The following DAPK1 variants were observed in gnomAD, a reference collection of about 807,000 sequenced individuals.
DAPK1 encodes death associated protein kinase 1.
A neutral mutation model predicts 144.9 loss-of-function variants in DAPK1; 56 were observed. The observed-to-expected ratio is 0.39, with a 90% confidence interval of 0.31 to 0.48. DAPK1 has a LOEUF of 0.48. DAPK1 is among the 20% of genes least tolerant of loss of function. The probability of loss-of-function intolerance (pLI) is 0.95; values close to 1 mark genes in which losing one functional copy is unlikely to be tolerated. For missense variants in DAPK1, 1,454 were observed against 1,875.4 expected (o/e 0.78, Z 4.15); for synonymous variants, 690 against 749.0 (o/e 0.92, Z 1.29).
At chr9:87,589,055 A>ATTTTTTTTTTTTTTTTTTT (rs35875159) in intron 2 of DAPK1, among the ~76,000 whole-genome samples, 4 of 101,198 alleles carry the variant, frequency 4.0e-5, no homozygotes, top group African/African-American at 8.1e-5. Context: ...CGCCCGGCTA[A>ATTTTTTTTTTTTTTTTTTT]TTTTTTTTTT....
chr9:87,555,727 T>A (rs1826689546), intron 2 of DAPK1, among the ~76,000 whole-genome samples: 1 of 152,216 alleles, frequency 6.6e-6, no homozygotes, highest in South Asian at 2.1e-4. Flanking sequence ...GGTCTCGAAC[T>A]CCCGACCTCA....
chr9:87,632,802 A>G, intron 3 of DAPK1: 1 of 981,594 alleles, frequency 1.0e-6, no homozygotes, highest in African/African-American at 1.8e-5. Context: ...GTGTATATGT[A>G]GGGATGAAGG....
intron 18 of DAPK1, among the ~76,000 whole-genome samples, chr9:87,658,608 G>A (rs753326447): frequency 6.6e-6 from 1 of 152,160 alleles, no homozygotes; most frequent in Non-Finnish European, 1.5e-5. Flanking sequence ...CATTGCTTTA[G>A]GCCTGTGGAG....
At chr9:87,560,855 G>A (rs7029367) in intron 2 of DAPK1, among the ~76,000 whole-genome samples, 7,543 of 151,778 alleles carry the variant, frequency 0.05, 580 homozygotes, top group African/African-American at 0.17. Flanking sequence ...TAGTAGAGAC[G>A]GAGTTTCACC....
At chr9:87,703,527 C>G (rs1825531104) in intron 25 of DAPK1, among the ~76,000 whole-genome samples, 1 of 152,122 alleles carries the variant, frequency 6.6e-6, no homozygotes, top group African/African-American at 2.4e-5. Context: ...CCCTGGGCAC[C>G]AGGAACTTAA....
intron 2 of DAPK1, among the ~76,000 whole-genome samples, chr9:87,535,857 C>T (rs1825844553): frequency 6.6e-6 from 1 of 152,140 alleles, no homozygotes; most frequent in Admixed American, 6.5e-5. Flanking sequence ...CAGATGTAAA[C>T]CGGAAGGCCC....
chr9:87,645,758 G>A lies in DAPK1; in HGVS notation c.1012-137G>A, dbSNP rs2274608. ...TTCCTTCCTAGGTCCCTCCATGACT[G>A]TATGGATTTGGGGAGTAAATGGCTT... On this transcript the variant is annotated intron_variant, in intron 11 of 25. Transcript: ENST00000408954. The A allele has an allele frequency of 6.0e-3, 6,596 of 1,100,040 alleles. 151 individuals are homozygous for A. Among genetic ancestry groups the A allele is most frequent in the East Asian group, 0.057 (2,314 of 40,534 alleles). The allele number at this position is 1,100,040 out of a possible 1,614,324, so 68.1% of individuals were successfully genotyped here.
intron 19 of DAPK1, among the ~76,000 whole-genome samples, chr9:87,669,151 C>T (rs1010597744): frequency 1.3e-5 from 2 of 152,200 alleles, no homozygotes; most frequent in African/African-American, 2.4e-5. Flanking sequence ...TAGCCATACC[C>T]TTTAATCTAG....
At chr9:87,573,493 T>TC (rs1827438610) in intron 2 of DAPK1, among the ~76,000 whole-genome samples, 1 of 151,632 alleles carries the variant, frequency 6.6e-6, no homozygotes, top group African/African-American at 2.4e-5. Flanking sequence ...GAGGGGTGAG[T>TC]TTGTAAGAGT....
chr9:87,647,383 C>T lies in DAPK1; in HGVS notation c.1309C>T (p.Pro437Ser), dbSNP rs1192614662. Residue 437 changes from proline (P) to serine (S), a missense_variant, in exon 14 of 26, where the codon CCT (proline) becomes TCT (serine). Around this residue, in one of 2 missense-constraint regions of DAPK1, gnomAD observed 429 missense variants for 637.5 expected, o/e 0.67. Coordinates refer to ENST00000408954, the MANE Select transcript of DAPK1 (RefSeq NM_004938.4). ...TLKFLSENKC[P>S]LDVKDKSGEM... The stretch of plus-strand genomic sequence containing the variant: ...GAAATTTCTCAGTGAGAACAAATGC[C>T]CTTTGGATGTGAAAGACAAGGTAAG... 1.2e-6 allele frequency: 2 copies of T among 1,614,110 alleles called. No individual in the cohort carries two copies. Among genetic ancestry groups the T allele is most frequent in the South Asian group, 2.2e-5 (2 of 91,076 alleles).
At position 87,543,025 on chromosome 9, in the gene DAPK1, A is replaced by G. The variant is rs764568916; in HGVS notation, c.62+43886A>G. 9.2e-5 allele frequency among the ~76,000 whole-genome samples: 14 copies of G among 152,358 alleles called. No homozygotes were observed. The South Asian group carries it at 1.2e-3, about 14-fold the overall frequency. On this transcript the variant is annotated intron_variant, in intron 2 of 25. Transcript: ENST00000408954. ...AAAACAAATTTTTATTGCTTTTGCAATGAAGTTTGGGGACATTTTATAAGA... is the reference window on the plus strand; with the variant it reads ...AAAACAAATTTTTATTGCTTTTGCAGTGAAGTTTGGGGACATTTTATAAGA...
chr9:87,690,406 T>G (rs1407446209), intron 21 of DAPK1, among the ~76,000 whole-genome samples: 1 of 151,926 alleles, frequency 6.6e-6, no homozygotes, highest in Non-Finnish European at 1.5e-5. Context: ...GATCTAAGAG[T>G]TTTTTGGTGG....
chr9:87,517,697 G>A (rs1212336326), intron 2 of DAPK1, among the ~76,000 whole-genome samples: 2 of 152,118 alleles, frequency 1.3e-5, no homozygotes, highest in African/African-American at 2.4e-5. Context: ...TTCATCCTTG[G>A]CATAACCCTG....
chr9:87,498,844 C>G, intron 1 of DAPK1, 126 bp from the exon 2 acceptor site: 1 of 525,512 alleles, frequency 1.9e-6, no homozygotes, highest in South Asian at 3.0e-5. Context: ...CTCCTCTCCA[C>G]CCCGCGAGGA....
chr9:87,503,261 ATG>A (rs1190297945), intron 2 of DAPK1, among the ~76,000 whole-genome samples: 1 of 151,558 alleles, frequency 6.6e-6, no homozygotes, highest in Non-Finnish European at 1.5e-5. Context: ...GTGTGTGTAT[ATG>A]TATATATATA....
intron 2 of DAPK1, among the ~76,000 whole-genome samples, chr9:87,591,981 C>T (rs2118889491): frequency 6.6e-6 from 1 of 152,328 alleles, no homozygotes; most frequent in African/African-American, 2.4e-5. Flanking sequence ...AGAGGCATCC[C>T]TGCTTCCCTG....
At chr9:87,511,000 C>A (rs10868608) in intron 2 of DAPK1, among the ~76,000 whole-genome samples, 33,108 of 152,056 alleles carry the variant, frequency 0.22, 3,941 homozygotes, top group East Asian at 0.42. Flanking sequence ...AGAGGGAGAG[C>A]GACAGTATAA....
At position 87,703,047 on chromosome 9, in the gene DAPK1, C is replaced by T; in HGVS notation, c.2890C>T (p.His964Tyr). The T allele has an allele frequency of 1.3e-6, 2 of 1,584,656 alleles. No individual in the cohort carries two copies. Among genetic ancestry groups the T allele is most frequent in the African/African-American group, 1.3e-5 (1 of 74,362 alleles). ...CCTCTAGGTCTGTCCTCCCATGACTCACCTGTGTGAGAAAATCATCTCCAC... is the reference window on the plus strand; with the variant it reads ...CCTCTAGGTCTGTCCTCCCATGACTTACCTGTGTGAGAAAATCATCTCCAC... ...QIVSVCPPMT[H>Y]LCEKIISTLP... is the part of the protein sequence containing the mutation. The change falls in exon 25 of 26, where the codon CAC becomes TAC. Residue 964 changes from histidine to tyrosine, a missense_variant. Transcript: ENST00000408954.
chr9:87,630,029 A>G (rs1455958664), intron 3 of DAPK1, among the ~76,000 whole-genome samples: 1 of 152,134 alleles, frequency 6.6e-6, no homozygotes. Flanking sequence ...TGAGACTACA[A>G]GGAGAGAGGT....
Sources: allele counts gnomAD v4.1 joint callset (sites outside exome capture counted in the v4.1 genomes callset), GRCh38; gene constraint gnomAD v4.1.1; regional missense constraint gnomAD v4.1.1; transcripts MANE v1.5; gene names NCBI Gene and HGNC (gene_info 2026-07-23, HGNC 2026-07-21).